The following FBXW2 variants were observed in gnomAD, a reference collection of about 807,000 sequenced individuals.
FBXW2 encodes F-box/WD repeat-containing protein 2.
In FBXW2, 12 loss-of-function variants were observed where a neutral mutation model predicts 46.0. The ratio of observed to expected loss-of-function variants is 0.26; its 90% CI spans 0.17 to 0.42. FBXW2 has a LOEUF of 0.42. FBXW2 is among the 10% of genes least tolerant of loss of function. The pLI is 1.00. For synonymous variants in FBXW2, 203 were observed against 209.6 expected, an observed-to-expected ratio of 0.97 and a Z score of 0.27; for missense variants, 360 against 537.0, an observed-to-expected ratio of 0.67 and a Z score of 3.26.
intron 2 of FBXW2, among the ~76,000 whole-genome samples, chr9:120,789,065 A>G (rs2044780128): frequency 6.6e-6 from 1 of 152,058 alleles, no homozygotes; most frequent in Admixed American, 6.6e-5. Flanking sequence ...AAATAAAGCA[A>G]ATTAATAATC....
rs562568908 is a variant in FBXW2, at chr9:120,778,979, A to T, written c.491-434T>A. On this transcript the variant is annotated intron_variant, in intron 3 of 7. Transcript: ENST00000608872. ...AACAAATAAGGATTGTTAAATAGTA[A>T]AGGTGTTTGCTGAAATATATTCCAC... Among the ~76,000 whole-genome samples, 87 of 152,352 alleles carry T rather than the reference A, an allele frequency of 5.7e-4. 1 individual carries two copies. Among genetic ancestry groups the T allele is most frequent in the African/African-American group, 2.0e-3 (83 of 41,572 alleles).
In FBXW2 at chr9:120,788,397, GTTACA is replaced by G. The variant is rs1164681937; in HGVS notation, c.-20-124_-20-120del. The G allele has an allele frequency of 2.9e-5, 25 of 864,334 alleles. 2 individuals are homozygous for G. Among genetic ancestry groups the G allele is most frequent in the South Asian group, 1.8e-4 (11 of 59,476 alleles). 53.5% of individuals were successfully genotyped at this position (864,334 alleles called of 1,614,324 possible). ...ATCTGCCATTACAACTTTATGCGTA[GTTACA>G]TTACAACTTTACAGTTAATACACCA... On this transcript the variant is annotated intron_variant, in intron 2 of 7. Transcript: ENST00000608872.
chr9:120,789,449 C>T (rs1307244123), intron 2 of FBXW2, among the ~76,000 whole-genome samples: 2 of 152,074 alleles, frequency 1.3e-5, no homozygotes, highest in African/African-American at 4.8e-5. Flanking sequence ...TGAAAGATTA[C>T]AAAAAATATA....
At position 120,763,940 on chromosome 9, in the gene FBXW2, C is replaced by T. The variant is rs1240972997; in HGVS notation, c.*619G>A. ...CGCTCACATCTTAAACATGGCCAAC[C>T]TTGACTCTGCCAAGATATAAGGTTT... On this transcript the variant is annotated 3_prime_UTR_variant, in exon 8 of 8. Transcript: ENST00000608872. 2 of 153,206 alleles carry T rather than the reference C, an allele frequency of 1.3e-5. No individual in the cohort carries two copies. The highest frequency in any genetic ancestry group is 2.4e-5 in the African/African-American group (1 of 41,520). The allele number at this position is 153,206 out of a possible 1,614,324, so 9.5% of individuals were successfully genotyped here.
At chr9:120,783,029 T>C (rs2044649177) in intron 3 of FBXW2, among the ~76,000 whole-genome samples, 1 of 152,216 alleles carries the variant, frequency 6.6e-6, no homozygotes, top group South Asian at 2.1e-4. Flanking sequence ...CGTAATGTAC[T>C]TAATGGCACT....
At chr9:120,783,718 C>T (rs894666009) in intron 3 of FBXW2, among the ~76,000 whole-genome samples, 1 of 152,148 alleles carries the variant, frequency 6.6e-6, no homozygotes, top group African/African-American at 2.4e-5. Context: ...TCCGTGTATG[C>T]CCTCACATTG....
intron 3 of FBXW2, among the ~76,000 whole-genome samples, chr9:120,783,190 A>G (rs2131355762): frequency 6.6e-6 from 1 of 152,318 alleles, no homozygotes; most frequent in East Asian, 1.9e-4. Flanking sequence ...AAAAAAAATA[A>G]TAATAATCAG....
At chr9:120,790,518 G>C (rs182480164) in intron 2 of FBXW2, among the ~76,000 whole-genome samples, 1 of 152,162 alleles carries the variant, frequency 6.6e-6, no homozygotes, top group Admixed American at 6.6e-5. Flanking sequence ...CCACACACCT[G>C]CTCCTGAAAC....
chr9:120,778,339 A>T lies in FBXW2; in HGVS notation c.685+12T>A. On this transcript the variant is annotated intron_variant, in intron 4 of 7. Transcript: ENST00000608872. ...GCTAAGTTGTAAAAACCCTTGAAAA[A>T]GGGCAACCCACCCGCCCCCGTGTGC... 6.2e-7 allele frequency: 1 copy of T among 1,603,546 alleles called. No individual in the cohort carries two copies. The highest frequency in any genetic ancestry group is 8.5e-7 in the Non-Finnish European group (1 of 1,175,588).
chr9:120,788,102 T>G lies in FBXW2; in HGVS notation c.157A>C (p.Lys53Gln), dbSNP rs1367328104. ...HLSNNLETLL[K>Q]RDFLKLLPLE... ...GGAAGGAGTTTGAGGAAGTCCCGCTTGAGGAGAGTCTCTAGGTTATTGGAG... is the reference window on the plus strand; with the variant it reads ...GGAAGGAGTTTGAGGAAGTCCCGCTGGAGGAGAGTCTCTAGGTTATTGGAG... Residue 53 changes from lysine to glutamine, a missense_variant, in exon 3 of 8, where the codon AAG (lysine) becomes CAG (glutamine). Lys to Gln is a moderately conservative substitution (Grantham distance 53, BLOSUM62 1). Coordinates refer to ENST00000608872, the MANE Select transcript of FBXW2 (RefSeq NM_012164.4). The G allele has an allele frequency of 6.2e-7, 1 of 1,614,202 alleles. No individual in the cohort carries two copies. Among genetic ancestry groups the G allele is most frequent in the South Asian group, 1.1e-5 (1 of 91,086 alleles).
At position 120,771,562 on chromosome 9, in the gene FBXW2, A is replaced by C. The variant is rs766402498; in HGVS notation, c.907-45T>G. The C allele has an allele frequency of 1.9e-6, 3 of 1,538,514 alleles. No homozygotes were observed. In the East Asian group the frequency reaches 6.8e-5, roughly 35 times the overall value. On this transcript the variant is annotated intron_variant, in intron 6 of 7. Coordinates refer to ENST00000608872, the MANE Select transcript of FBXW2 (RefSeq NM_012164.4). ...AGGAAAGATGAGAGATCACATCACT[A>C]CAGAAAAGCTTGTCCTTAAAATGGT...
intron 7 of FBXW2, among the ~76,000 whole-genome samples, chr9:120,766,252 T>C (rs907979001): frequency 6.6e-6 from 1 of 152,050 alleles, no homozygotes; most frequent in Non-Finnish European, 1.5e-5. Flanking sequence ...GGTAACTGTA[T>C]ATGAGGATCA....
chr9:120,772,971 A>G lies in FBXW2; in HGVS notation c.820-131T>C, dbSNP rs2044411671. The G allele has an allele frequency of 1.4e-5, 9 of 648,574 alleles. No individual in the cohort carries two copies. The South Asian group carries it at 1.7e-4, about 12-fold the overall frequency. 40.2% of individuals were successfully genotyped at this position (648,574 alleles called of 1,614,324 possible). Reference sequence around the variant, plus strand: ...AGCTAAGCCATAACTCCATTACCAAATTAACCTCTACTAAAAGTTTTACTA... The same window carrying G: ...AGCTAAGCCATAACTCCATTACCAAGTTAACCTCTACTAAAAGTTTTACTA... On this transcript the variant is annotated intron_variant, in intron 5 of 7. Coordinates refer to ENST00000608872, the MANE Select transcript of FBXW2 (RefSeq NM_012164.4).
At position 120,787,768 on chromosome 9, in the gene FBXW2, C is replaced by A; in HGVS notation, c.490+1G>T. ...CAAAAAGCAGTTTCAACATCTCTTA[C>A]CTGTACAGAGAAGTCCATCTTTGTA... is the stretch of plus-strand genomic sequence containing the variant. On this transcript the variant is annotated splice_donor_variant, in intron 3 of 7. Coordinates refer to ENST00000608872, the MANE Select transcript of FBXW2 (RefSeq NM_012164.4). LOFTEE classifies it high-confidence loss of function. 1 of 1,609,582 alleles carries A rather than the reference C, an allele frequency of 6.2e-7. No individual in the cohort carries two copies. The highest frequency in any genetic ancestry group is 8.5e-7 in the Non-Finnish European group (1 of 1,178,246).
intron 2 of FBXW2, among the ~76,000 whole-genome samples, chr9:120,790,863 A>G (rs2044824929): frequency 6.6e-6 from 1 of 152,224 alleles, no homozygotes; most frequent in Non-Finnish European, 1.5e-5. Flanking sequence ...GACACCGCTA[A>G]AGATTACGGA....
intron 3 of FBXW2, 125 bp downstream of exon 3, chr9:120,787,644 A>G: frequency 3.0e-6 from 3 of 996,090 alleles, no homozygotes; most frequent in Non-Finnish European, 4.3e-6. Flanking sequence ...AGGATTAGAG[A>G]AAAAAAGTCA....
In FBXW2 at chr9:120,778,221, C is replaced by T. The variant is rs953919065; in HGVS notation, c.685+130G>A. 2.8e-5 allele frequency: 24 copies of T among 845,806 alleles called. No homozygotes were observed. In the African/African-American group the frequency reaches 4.0e-4, roughly 14 times the overall value. The allele number at this position is 845,806 out of a possible 1,614,324, so 52.4% of individuals were successfully genotyped here. A position where few individuals can be genotyped will look rare whatever the true frequency, so the allele number is the denominator to read the frequency against. ...GAGTAACTAGAATAAAGGGAAATAA[C>T]TGCAATGACTAAGAAAGAGGGTTGA... On this transcript the variant is annotated intron_variant, in intron 4 of 7. Coordinates refer to ENST00000608872, the MANE Select transcript of FBXW2 (RefSeq NM_012164.4).
chr9:120,769,291 A>G (rs1564450912), intron 7 of FBXW2, among the ~76,000 whole-genome samples: 2 of 152,246 alleles, frequency 1.3e-5, no homozygotes, highest in Non-Finnish European at 2.9e-5. Context: ...GTTTGGGAGG[A>G]AAAAAGCAGA....
intron 7 of FBXW2, among the ~76,000 whole-genome samples, chr9:120,766,538 C>T (rs1425679946): frequency 6.6e-6 from 1 of 152,146 alleles, no homozygotes; most frequent in Non-Finnish European, 1.5e-5. Flanking sequence ...GATCTCGGCT[C>T]ACTGCAACTT....
Sources: gnomAD v4.1 joint callset for allele counts (sites outside exome capture counted in the v4.1 genomes callset) on GRCh38, gnomAD v4.1.1 for gene constraint, MANE v1.5 for transcripts, NCBI Gene and HGNC (gene_info 2026-07-23, HGNC 2026-07-21) for gene names.